The following DHRS3 variants were observed in gnomAD, a reference collection of about 807,000 sequenced individuals.
DHRS3 encodes the protein dehydrogenase/reductase 3.
DHRS3 carries 14 observed loss-of-function variants against 27.2 expected under a neutral mutation model. The observed-to-expected ratio is 0.52, with a 90% CI of 0.34 to 0.81. The LOEUF (loss-of-function observed/expected upper bound fraction) is 0.81, where lower values mean the gene tolerates loss of function less well. Among genes scored for constraint, DHRS3 ranks in the 30% least tolerant of loss-of-function variants. DHRS3 has a pLI of 0.01. For synonymous variants in DHRS3, 165 were observed against 175.9 expected, an observed-to-expected ratio of 0.94 and a Z score of 0.49; for missense variants, 322 against 406.2, an observed-to-expected ratio of 0.79 and a Z score of 1.78.
chr1:12,577,861 T>C (rs1646604339), intron 4 of DHRS3, among the ~76,000 whole-genome samples: 1 of 152,168 alleles, frequency 6.6e-6, no homozygotes, highest in Non-Finnish European at 1.5e-5. Context: ...AATTGAGCTA[T>C]AATTTGCATA....
In DHRS3 at chr1:12,586,350, G is replaced by A. The variant is rs564092395; in HGVS notation, c.196-5684C>T. Reference sequence around the variant, plus strand: ...CTAAGCCCCCAGGCACGGTGGGGTCGTCTGAGCTTTGAGGGTTCCACTCTC... The same window carrying A: ...CTAAGCCCCCAGGCACGGTGGGGTCATCTGAGCTTTGAGGGTTCCACTCTC... On this transcript the variant is annotated intron_variant, in intron 1 of 5. Transcript: ENST00000616661. This position sits in a 1 kb window ranked among gnomAD's most constrained non-coding sequence, Gnocchi z 5.0. 7.2e-5 allele frequency among the ~76,000 whole-genome samples: 11 copies of A among 152,276 alleles called. No homozygotes were observed. The South Asian group carries it at 1.0e-3, about 14-fold the overall frequency.
chr1:12,573,802 C>T (rs1557512297), intron 4 of DHRS3, among the ~76,000 whole-genome samples: 1 of 152,186 alleles, frequency 6.6e-6, no homozygotes, highest in Non-Finnish European at 1.5e-5. Context: ...GATGATGTTC[C>T]CTACGTGCCA....
chr1:12,602,086 G>A (rs745446501), intron 1 of DHRS3, among the ~76,000 whole-genome samples: 5 of 152,220 alleles, frequency 3.3e-5, no homozygotes, highest in African/African-American at 9.6e-5. Flanking sequence ...GCCACAAAGC[G>A]TGGTGAGTTG....
chr1:12,605,936 T>C (rs61776841), intron 1 of DHRS3, among the ~76,000 whole-genome samples: 96,805 of 151,716 alleles, frequency 0.64, 31,197 homozygotes, highest in East Asian at 0.8. Flanking sequence ...GTCAAGAGAC[T>C]GAGATCATCC....
rs1189329887 is a variant in DHRS3, at chr1:12,617,227, A to G, written c.122T>C (p.Val41Ala). The G allele has an allele frequency of 5.6e-6, 9 of 1,613,512 alleles. No individual in the cohort carries two copies. The highest frequency in any genetic ancestry group is 1.7e-5 in the Admixed American group (1 of 60,014). ...GCCTCTCCCGCCGCCGGTGATGAGG[A>G]CGTTCTCCCGCGACAGGTCCCGCAG... ...AKLRDLSRENVLITGGGRGIG... is the reference protein window; with the variant it reads ...AKLRDLSRENALITGGGRGIG... Residue 41 changes from valine (V) to alanine (A), a missense_variant, in exon 1 of 6, where the codon GTC (valine) becomes GCC (alanine). Physicochemically the swap from Val to Ala is moderately conservative, Grantham distance 64. Coordinates refer to ENST00000616661, the MANE Select transcript of DHRS3 (RefSeq NM_004753.7).
chr1:12,600,476 C>T (rs58976956), intron 1 of DHRS3: 692,339 of 852,764 alleles, frequency 0.81, 283,017 homozygotes, highest in East Asian at 0.91. Flanking sequence ...TGTAAGAACA[C>T]GGGCCGTGCA....
At chr1:12,577,596 G>A (rs1570359180) in intron 4 of DHRS3, among the ~76,000 whole-genome samples, 1 of 152,178 alleles carries the variant, frequency 6.6e-6, no homozygotes, top group South Asian at 2.1e-4. Flanking sequence ...AGGCTGAGGT[G>A]GGTGGATCAC....
chr1:12,614,753 CAGTCCCACCAG>C (rs1646933632), intron 1 of DHRS3, among the ~76,000 whole-genome samples: 12 of 146,982 alleles, frequency 8.2e-5, no homozygotes, highest in Admixed American at 1.4e-4. Flanking sequence ...CTCCCAGATC[CAGTCCCACCAG>C]AATCTAGGCT....
chr1:12,605,118 G>C (rs1646861540), intron 1 of DHRS3, among the ~76,000 whole-genome samples: 2 of 145,148 alleles, frequency 1.4e-5, no homozygotes, highest in African/African-American at 5.0e-5. Context: ...GACAATGAAT[G>C]TGCAAAAGCA....
In DHRS3 at chr1:12,593,405, T is replaced by G. The variant is rs368325251; in HGVS notation, c.196-12739A>C. On this transcript the variant is annotated intron_variant, in intron 1 of 5. Transcript: ENST00000616661. This position sits in a 1 kb window ranked among gnomAD's most constrained non-coding sequence, Gnocchi z 4.6. ...ATTTGTAGAGACGGGGGTATCACAT[T>G]GTTGCCCAGGCTGGTCTTGAACTCC... 6.6e-6 allele frequency among the ~76,000 whole-genome samples: 1 copy of G among 152,236 alleles called. No individual in the cohort carries two copies. Among genetic ancestry groups the G allele is most frequent in the African/African-American group, 2.4e-5 (1 of 41,532 alleles).
At chr1:12,584,133 A>G (rs1646671799) in intron 1 of DHRS3, among the ~76,000 whole-genome samples, 1 of 152,064 alleles carries the variant, frequency 6.6e-6, no homozygotes, top group Non-Finnish European at 1.5e-5. Context: ...TGAGGTAGGG[A>G]GAGGTGCCTC....
intron 1 of DHRS3, among the ~76,000 whole-genome samples, chr1:12,613,331 T>C (rs915513443): frequency 6.6e-6 from 1 of 152,210 alleles, no homozygotes; most frequent in Non-Finnish European, 1.5e-5. Flanking sequence ...TCCTAATTGG[T>C]CATGGTAACC....
chr1:12,568,839 A>T (rs1189332512), intron 5 of DHRS3, among the ~76,000 whole-genome samples: 1 of 152,136 alleles, frequency 6.6e-6, no homozygotes, highest in African/African-American at 2.4e-5. Flanking sequence ...AGGTGGGAGG[A>T]TGGCTTGAAC....
rs762876937 is a variant in DHRS3 at position 12,594,062 on chromosome 1, G to A, written c.196-13396C>T. ...CCCACTGGACCTCTTGCTGGAAAGT[G>A]CTGGGTGACCTTGGGGTGGGGGTGC... On this transcript the variant is annotated intron_variant, in intron 1 of 5. Transcript: ENST00000616661. This position sits in a 1 kb window ranked among gnomAD's most constrained non-coding sequence, Gnocchi z 4.1. Among the ~76,000 whole-genome samples, 10 of 152,214 alleles carry A rather than the reference G, an allele frequency of 6.6e-5. No individual in the cohort carries two copies. Among genetic ancestry groups the A allele is most frequent in the Non-Finnish European group, 1.3e-4 (9 of 68,040 alleles).
chr1:12,596,210 T>A (rs2100699376), intron 1 of DHRS3: 1 of 152,292 alleles, frequency 6.6e-6, no homozygotes, highest in South Asian at 2.1e-4. Flanking sequence ...GGCACCCACC[T>A]CCCTGGAGCG....
At chr1:12,598,292 G>T (rs528609656) in intron 1 of DHRS3, among the ~76,000 whole-genome samples, 1 of 152,102 alleles carries the variant, frequency 6.6e-6, no homozygotes, top group African/African-American at 2.4e-5. Context: ...GGAGGATCAC[G>T]TGAGCCTGGG....
chr1:12,600,216 TACAC>T, intron 1 of DHRS3: 1 of 226,626 alleles, frequency 4.4e-6, no homozygotes, highest in Non-Finnish European at 7.3e-6. Context: ...TGTGTGTGTG[TACAC>T]GTACACACAC....
rs72642691 is a variant in DHRS3 at position 12,592,460 on chromosome 1, C to T, written c.196-11794G>A. ...AGACATACACAGAGGAGAGGAAGGC[C>T]GCGTGAAGATGGAAGCAGAGACGGC... On this transcript the variant is annotated intron_variant, in intron 1 of 5. Coordinates refer to ENST00000616661, the MANE Select transcript of DHRS3 (RefSeq NM_004753.7). The surrounding 1 kb of genome is among the most constrained non-coding windows in gnomAD (Gnocchi z 4.2). 1.1e-3 allele frequency among the ~76,000 whole-genome samples: 171 copies of T among 152,206 alleles called. 1 individual carries two copies. Among genetic ancestry groups the T allele is most frequent in the Middle Eastern group, 3.4e-3 (1 of 294 alleles).
In DHRS3 at chr1:12,586,048, G is replaced by C. The variant is rs1646694564; in HGVS notation, c.196-5382C>G. Reference sequence around the variant, plus strand: ...CATCTGGGGCAAATGGTGAGCTTCTGTCCCCTTCTCTCTCCCAGTGACTGG... The same window carrying C: ...CATCTGGGGCAAATGGTGAGCTTCTCTCCCCTTCTCTCTCCCAGTGACTGG... On this transcript the variant is annotated intron_variant, in intron 1 of 5. Transcript: ENST00000616661. This position sits in a 1 kb window ranked among gnomAD's most constrained non-coding sequence, Gnocchi z 5.0. Among the ~76,000 whole-genome samples the C allele has an allele frequency of 6.6e-6, 1 of 152,162 alleles. No individual in the cohort carries two copies. The highest frequency in any genetic ancestry group is 6.5e-5 in the Admixed American group (1 of 15,276).
Sources: allele counts gnomAD v4.1 joint callset (sites outside exome capture counted in the v4.1 genomes callset), GRCh38; gene constraint gnomAD v4.1.1; non-coding constraint Gnocchi (gnomAD v3.1); transcripts MANE v1.5; gene names NCBI Gene and HGNC (gene_info 2026-07-23, HGNC 2026-07-21).